Variants in SNTB2 observed in about 807,000 individuals in gnomAD.
The protein encoded by SNTB2 is beta-2-syntrophin.
In SNTB2, 34 loss-of-function variants were observed where a neutral mutation model predicts 46.2. The ratio of observed to expected loss-of-function variants is 0.74; its 90% CI spans 0.56 to 0.98. The LOEUF (loss-of-function observed/expected upper bound fraction) is 0.98, where lower values mean the gene tolerates loss of function less well. SNTB2 is among the 50% of genes least tolerant of loss of function. SNTB2 has a pLI of 0.00. For missense variants in SNTB2, 603 were observed against 731.4 expected (o/e 0.82, Z 2.02); for synonymous variants, 290 against 312.6 (o/e 0.93, Z 0.76).
chr16:69,277,338 A>AT (rs776133489), intron 4 of SNTB2, among the ~76,000 whole-genome samples: 1 of 152,144 alleles, frequency 6.6e-6, no homozygotes, highest in Non-Finnish European at 1.5e-5. Flanking sequence ...ACCAAATGAG[A>AT]TTTTTTTATC....
rs1010523400 is a variant in SNTB2 at position 69,285,421 on chromosome 16, C to T, written c.1345+1177C>T. Among the ~76,000 whole-genome samples, 4 of 147,750 alleles carry T rather than the reference C, an allele frequency of 2.7e-5. No individual in the cohort carries two copies. In the South Asian group the frequency reaches 8.6e-4, roughly 32 times the overall value. ...CCAGGCTGGAGTCCAGTGGCATGAT[C>T]CATCATAGCTCACTGCAGCAGCTTT... On this transcript the variant is annotated intron_variant, in intron 5 of 6. Coordinates refer to ENST00000336278, the MANE Select transcript of SNTB2 (RefSeq NM_006750.4).
At chr16:69,252,975 C>G (rs552833791) in intron 2 of SNTB2, among the ~76,000 whole-genome samples, 1 of 150,188 alleles carries the variant, frequency 6.7e-6, no homozygotes, top group Non-Finnish European at 1.5e-5. Flanking sequence ...TCTTGGCTCA[C>G]TGCAAGCTCC....
At chr16:69,208,971 AGTGTGT>A (rs570119837) in intron 1 of SNTB2, among the ~76,000 whole-genome samples, 4 of 149,120 alleles carry the variant, frequency 2.7e-5, no homozygotes, top group African/African-American at 1.0e-4. Flanking sequence ...TGAATTTTTG[AGTGTGT>A]GTGTGTGTGT....
rs745491799 is a variant in SNTB2, at chr16:69,302,193, A to T, written c.*1269A>T. On this transcript the variant is annotated 3_prime_UTR_variant, in exon 7 of 7. Coordinates refer to ENST00000336278, the MANE Select transcript of SNTB2 (RefSeq NM_006750.4). ...TGGAACAGCTACCTGCTTTTGGTTAAGATTGCCAGATATCATTAGGACACA... is the reference window on the plus strand; with the variant it reads ...TGGAACAGCTACCTGCTTTTGGTTATGATTGCCAGATATCATTAGGACACA... 1.3e-5 allele frequency: 2 copies of T among 152,194 alleles called. No individual in the cohort carries two copies. The highest frequency in any genetic ancestry group is 2.9e-5 in the Non-Finnish European group (2 of 68,030). 9.4% of individuals were successfully genotyped at this position (152,194 alleles called of 1,614,324 possible).
At chr16:69,270,088 T>G in intron 3 of SNTB2, 55 bp from the exon 4 acceptor site, 1 of 1,609,340 alleles carries the variant, frequency 6.2e-7, no homozygotes, top group Non-Finnish European at 8.5e-7. Context: ...GAAGGAACTT[T>G]TACAAAGACG....
chr16:69,284,000 G>A, intron 4 of SNTB2, 48 bp from the exon 5 acceptor site: 1 of 1,479,762 alleles, frequency 6.8e-7, no homozygotes, highest in South Asian at 1.4e-5. Context: ...TGACATTTTT[G>A]TCTGATAATG....
intron 1 of SNTB2, among the ~76,000 whole-genome samples, chr16:69,207,410 G>C (rs1451256368): frequency 6.6e-6 from 1 of 150,782 alleles, no homozygotes. Flanking sequence ...CGCCTGCCTT[G>C]GCCTCCCAAA....
At chr16:69,295,124 A>G (rs1965210391) in intron 5 of SNTB2, among the ~76,000 whole-genome samples, 2 of 150,876 alleles carry the variant, frequency 1.3e-5, no homozygotes, top group Admixed American at 6.6e-5. Context: ...CCCAGCCAAA[A>G]CTGTAGTTTT....
At chr16:69,274,866 C>T (rs551590654) in intron 4 of SNTB2, among the ~76,000 whole-genome samples, 62 of 152,158 alleles carry the variant, frequency 4.1e-4, no homozygotes, top group Admixed American at 1.5e-3. Context: ...GTCAAAGTTT[C>T]GTATTAAAGG....
chr16:69,237,599 C>CTTTCTTTTTTTTTTTTTTTTTTTTTT (rs1964570288), intron 1 of SNTB2, among the ~76,000 whole-genome samples: 1 of 110,310 alleles, frequency 9.1e-6, no homozygotes, highest in African/African-American at 4.0e-5. Context: ...TTCTTTCTTT[C>CTTTCTTTTTTTTTTTTTTTTTTTTTT]TTTCTTTTTT....
chr16:69,245,460 G>GC (rs1567406030), intron 1 of SNTB2, 142 bp from the exon 2 acceptor site: 1 of 760,476 alleles, frequency 1.3e-6, no homozygotes, highest in Non-Finnish European at 2.2e-6. Context: ...CTCCCAAAGT[G>GC]CTGGGATTAC....
At position 69,253,748 on chromosome 16, in the gene SNTB2, T is replaced by C. The variant is rs374289233; in HGVS notation, c.795-6302T>C. ...TCAGCCCAGTGGTCCCGGTATCTAC[T>C]TGTGTTTAATCAGGCTTAGTTTTAT... is the stretch of plus-strand genomic sequence containing the variant. On this transcript the variant is annotated intron_variant, in intron 2 of 6. Coordinates refer to ENST00000336278, the MANE Select transcript of SNTB2 (RefSeq NM_006750.4). Among the ~76,000 whole-genome samples, 5 of 152,208 alleles carry C rather than the reference T, an allele frequency of 3.3e-5. No homozygotes were observed. In the East Asian group the frequency reaches 5.8e-4, roughly 18 times the overall value.
Position 69,214,091 on chromosome 16 carries a change from G to A in SNTB2, c.580+26345G>A, listed in dbSNP as rs1403864367. Among the ~76,000 whole-genome samples the A allele has an allele frequency of 1.2e-4, 18 of 149,018 alleles. No homozygotes were observed. The Admixed American group carries it at 1.2e-3, about 10-fold the overall frequency. ...ACCCGCCTCGGCCTCCCAAAGTGCTGGGATTACAGGCGTGAGCCACCACGC... is the reference window on the plus strand; with the variant it reads ...ACCCGCCTCGGCCTCCCAAAGTGCTAGGATTACAGGCGTGAGCCACCACGC... On this transcript the variant is annotated intron_variant, in intron 1 of 6. Transcript: ENST00000336278.
At chr16:69,235,451 T>G (rs1169716622) in intron 1 of SNTB2, among the ~76,000 whole-genome samples, 1 of 152,206 alleles carries the variant, frequency 6.6e-6, no homozygotes, top group African/African-American at 2.4e-5. Context: ...GCCAATGTGA[T>G]TGCCTTTCAG....
chr16:69,210,019 A>ATT (rs137973730), intron 1 of SNTB2, among the ~76,000 whole-genome samples: 22 of 122,160 alleles, frequency 1.8e-4, no homozygotes, highest in Non-Finnish European at 2.4e-4. Context: ...TTGTTATTTA[A>ATT]TTTTTTTTTT....
chr16:69,289,849 G>C (rs1965143609), intron 5 of SNTB2, among the ~76,000 whole-genome samples: 1 of 152,106 alleles, frequency 6.6e-6, no homozygotes, highest in Non-Finnish European at 1.5e-5. Flanking sequence ...TTGAGCCCGA[G>C]AGGTCAAGGA....
chr16:69,276,156 T>C (rs1416006323), intron 4 of SNTB2, among the ~76,000 whole-genome samples: 1 of 152,142 alleles, frequency 6.6e-6, no homozygotes, highest in Non-Finnish European at 1.5e-5. Flanking sequence ...GATATGGATT[T>C]TGTTGTCTTT....
chr16:69,242,640 A>T (rs1221176826), intron 1 of SNTB2, among the ~76,000 whole-genome samples: 1 of 152,134 alleles, frequency 6.6e-6, no homozygotes, highest in Non-Finnish European at 1.5e-5. Context: ...TGTGCAGTAC[A>T]TGTATGTGTT....
At chr16:69,260,352 G>A (rs780020494) in intron 3 of SNTB2, 92 bp downstream of exon 3, 3 of 1,142,030 alleles carry the variant, frequency 2.6e-6, no homozygotes, top group Non-Finnish European at 3.8e-6. Flanking sequence ...TTACCATGCA[G>A]TTAGGACCTG....
Sources: allele counts gnomAD v4.1 joint callset (sites outside exome capture counted in the v4.1 genomes callset), GRCh38; gene constraint gnomAD v4.1.1; transcripts MANE v1.5; gene names NCBI Gene and HGNC (gene_info 2026-07-23, HGNC 2026-07-21).